ZNF518A: variants seen among roughly 807,000 people sequenced by gnomAD.
ZNF518A encodes the protein zinc finger protein 518A.
A neutral mutation model predicts 102.7 loss-of-function variants in ZNF518A; 47 were observed. That is an observed-to-expected ratio of 0.46 (90% CI 0.36 to 0.58). The LOEUF is 0.58. ZNF518A is among the 20% of genes least tolerant of loss of function. The probability of loss-of-function intolerance (pLI) is 0.00; values close to 1 mark genes in which losing one functional copy is unlikely to be tolerated. For missense variants in ZNF518A, 1,793 were observed against 1,699.8 expected, an observed-to-expected ratio of 1.05 and a Z score of -0.96; for synonymous variants, 652 against 594.6, an observed-to-expected ratio of 1.10 and a Z score of -1.40.
intron 3 of ZNF518A, among the ~76,000 whole-genome samples, chr10:96,139,120 A>C (rs1365300128): frequency 6.6e-6 from 1 of 152,038 alleles, no homozygotes; most frequent in Non-Finnish European, 1.5e-5. Flanking sequence ...GATAGGAAGA[A>C]TATTTGAGGA....
At chr10:96,130,990 A>G (rs1341544486) in intron 1 of ZNF518A, among the ~76,000 whole-genome samples, 1 of 152,262 alleles carries the variant, frequency 6.6e-6, no homozygotes, top group Non-Finnish European at 1.5e-5. Context: ...TTTAAAGTTC[A>G]GAATACAACA....
Position 96,158,862 on chromosome 10 carries a change from G to C in ZNF518A, c.2540G>C (p.Gly847Ala). ...GIFPVPPGSV[G>A]INVPTNDLNL... ...TTCCCAGTTCCACCTGGCAGTGTGGGTATTAATGTGCCTACAAATGATTTG... is the reference window on the plus strand; with the variant it reads ...TTCCCAGTTCCACCTGGCAGTGTGGCTATTAATGTGCCTACAAATGATTTG... Residue 847 changes from glycine to alanine, a missense_variant, in exon 6 of 6, where the codon GGT becomes GCT. By Grantham distance (60) the Gly-to-Ala change is moderately conservative. Transcript: ENST00000316045. 1 of 1,613,708 alleles carries C rather than the reference G, an allele frequency of 6.2e-7. No homozygotes were observed. The highest frequency in any genetic ancestry group is 8.5e-7 in the Non-Finnish European group (1 of 1,179,738).
At chr10:96,168,805 C>T (rs1182051402) in intron 1 of ZNF518A, among the ~76,000 whole-genome samples, 2 of 152,116 alleles carry the variant, frequency 1.3e-5, no homozygotes, top group African/African-American at 2.4e-5. Flanking sequence ...TTGTCCTTGT[C>T]TTTCAACAGT....
At chr10:96,184,181 G>A (rs959387004) in intron 1 of ZNF518A, among the ~76,000 whole-genome samples, 94 of 151,862 alleles carry the variant, frequency 6.2e-4, no homozygotes, top group African/African-American at 2.1e-3. Context: ...CCTTTATTTT[G>A]AGCCTATGTG....
chr10:96,133,170 G>A (rs2081425695), intron 2 of ZNF518A, among the ~76,000 whole-genome samples: 1 of 152,074 alleles, frequency 6.6e-6, no homozygotes, highest in Non-Finnish European at 1.5e-5. Flanking sequence ...TCATCCTTCT[G>A]AATAGAAAAG....
At chr10:96,165,937 C>T (rs587626358), downstream of ZNF518A, among the ~76,000 whole-genome samples, 7 of 152,238 alleles carry the variant, frequency 4.6e-5, no homozygotes, top group East Asian at 3.9e-4. Context: ...ATGACTCAGT[C>T]GAAGTCCAGA....
rs1315138516 is a variant in ZNF518A, at chr10:96,162,643, ATATT to A, written c.*1870_*1873del. 3.6e-5 allele frequency: 6 copies of A among 166,262 alleles called. No homozygotes were observed. Among genetic ancestry groups the A allele is most frequent in the African/African-American group, 1.4e-4 (6 of 41,462 alleles). The allele number at this position is 166,262 out of a possible 1,614,324, so 10.3% of individuals were successfully genotyped here. ...GGAGTTAATTGGAAATATACAGTAT[ATATT>A]AATAATGTACATGGTGTTTAAAGAA... On this transcript the variant is annotated 3_prime_UTR_variant, in exon 6 of 6. Coordinates refer to ENST00000316045, the MANE Select transcript of ZNF518A (RefSeq NM_001330736.2).
chr10:96,201,411 C>T (rs781942212), intron 1 of ZNF518A, among the ~76,000 whole-genome samples: 1 of 152,166 alleles, frequency 6.6e-6, no homozygotes, highest in Non-Finnish European at 1.5e-5. Flanking sequence ...AAAATGTAAA[C>T]TAATGCCACT....
intron 1 of ZNF518A, among the ~76,000 whole-genome samples, chr10:96,181,818 C>T (rs772894891): frequency 2.7e-4 from 41 of 152,230 alleles, no homozygotes; most frequent in Middle Eastern, 3.4e-3. Context: ...CTTGGCAATG[C>T]GGGCTCTTTT....
chr10:96,184,463 T>A (rs1483877650), intron 1 of ZNF518A, among the ~76,000 whole-genome samples: 2 of 152,250 alleles, frequency 1.3e-5, no homozygotes, highest in Non-Finnish European at 2.9e-5. Context: ...CCATGTTTAG[T>A]GCTTCCTTCA....
intron 1 of ZNF518A, among the ~76,000 whole-genome samples, chr10:96,185,302 G>A (rs936059958): frequency 1.3e-5 from 2 of 152,164 alleles, no homozygotes; most frequent in African/African-American, 4.8e-5. Flanking sequence ...GCCTACTTCT[G>A]TCAGTTCATC....
intron 1 of ZNF518A, among the ~76,000 whole-genome samples, chr10:96,190,879 G>A (rs1296073011): frequency 1.3e-5 from 2 of 152,134 alleles, no homozygotes; most frequent in Non-Finnish European, 2.9e-5. Flanking sequence ...CTCTTGTTTT[G>A]TGGGATATTT....
Position 96,157,042 on chromosome 10 carries a change from T to C in ZNF518A, c.720T>C (p.His240=), listed in dbSNP as rs2082726961. ...TTCATTATAAGTGTGGTAAATGTCATCATGTATGTTTTACCAAAGGAGAGC... is the reference window on the plus strand; with the variant it reads ...TTCATTATAAGTGTGGTAAATGTCACCATGTATGTTTTACCAAAGGAGAGC... The part of the protein sequence containing the change: ...NEIHYKCGKC[H]HVCFTKGELQ... Residue 240 remains histidine, a synonymous_variant, in exon 6 of 6, where the codon CAT becomes CAC. Coordinates refer to ENST00000316045, the MANE Select transcript of ZNF518A (RefSeq NM_001330736.2). The C allele has an allele frequency of 6.2e-7, 1 of 1,613,668 alleles. No individual in the cohort carries two copies. The highest frequency in any genetic ancestry group is 1.1e-5 in the South Asian group (1 of 90,998).
Position 96,160,158 on chromosome 10 carries a change from G to T in ZNF518A, c.3836G>T (p.Arg1279Leu). The T allele has an allele frequency of 6.2e-7, 1 of 1,609,322 alleles. No individual in the cohort carries two copies. Among genetic ancestry groups the T allele is most frequent in the Non-Finnish European group, 8.5e-7 (1 of 1,178,054 alleles). Reference sequence around the variant, plus strand: ...GTATCTAGAAACAGAAACTGTAAACGAAAGTGTAGGGATAGTTACCAAGAA... The same window carrying T: ...GTATCTAGAAACAGAAACTGTAAACTAAAGTGTAGGGATAGTTACCAAGAA... ...AFVSRNRNCK[R>L]KCRDSYQEPP... Residue 1279 changes from arginine to leucine, a missense_variant, in exon 6 of 6, where the codon CGA (arginine) becomes CTA (leucine). Physicochemically the swap from Arg to Leu is moderately radical, Grantham distance 102 (BLOSUM62 -2). This residue lies in a region of ZNF518A where 1,741 missense variants were observed against 1,622.6 expected (regional missense o/e 1.07). Coordinates refer to ENST00000316045, the MANE Select transcript of ZNF518A (RefSeq NM_001330736.2).
intron 1 of ZNF518A, among the ~76,000 whole-genome samples, chr10:96,185,007 A>G (rs2083262630): frequency 6.6e-6 from 1 of 151,022 alleles, no homozygotes; most frequent in African/African-American, 2.4e-5. Flanking sequence ...ATTTCTTTTT[A>G]CTCTTTTTTC....
At chr10:96,204,672 A>G (rs1332687755), downstream of ZNF518A, 4 of 1,558,228 alleles carry the variant, frequency 2.6e-6, no homozygotes, top group African/African-American at 5.4e-5. Context: ...TCCTCATCCC[A>G]AAACCCAGCA....
In ZNF518A at chr10:96,158,616, C is replaced by T. The variant is rs372362066; in HGVS notation, c.2294C>T (p.Thr765Ile). 6 of 1,613,322 alleles carry T rather than the reference C, an allele frequency of 3.7e-6. No homozygotes were observed. Among genetic ancestry groups the T allele is most frequent in the Non-Finnish European group, 5.1e-6 (6 of 1,179,672 alleles). ...GATTCACCTATGATGCCTAGAATCACATCTGTTTTCTCTCTCCAGAGCCAA... is the reference window on the plus strand; with the variant it reads ...GATTCACCTATGATGCCTAGAATCATATCTGTTTTCTCTCTCCAGAGCCAA... Reference protein sequence around the residue: ...NVDSPMMPRITSVFSLQSQQA... With the variant: ...NVDSPMMPRIISVFSLQSQQA... The change falls in exon 6 of 6, where the codon ACA becomes ATA. Residue 765 changes from threonine (T) to isoleucine (I), a missense_variant. Thr to Ile is a moderately conservative substitution (Grantham distance 89). Around this residue, in one of 3 missense-constraint regions of ZNF518A, gnomAD observed 1,741 missense variants for 1,622.6 expected, o/e 1.07. Transcript: ENST00000316045.
In ZNF518A at chr10:96,159,573, A is replaced by C. The variant is rs781791704; in HGVS notation, c.3251A>C (p.Gln1084Pro). ...TTGAATATCTCCGATTCAGTAAAAC[A>C]GCAGAATGAGATTTTTCCAAAACCA... ...TKLNISDSVKQQNEIFPKPPL... is the reference protein window; with the variant it reads ...TKLNISDSVKPQNEIFPKPPL... Residue 1084 changes from glutamine to proline, a missense_variant, in exon 6 of 6, where the codon CAG (glutamine) becomes CCG (proline). Physicochemically the swap from Gln to Pro is moderately conservative, Grantham distance 76. Around this residue, in one of 3 missense-constraint regions of ZNF518A, gnomAD observed 1,741 missense variants for 1,622.6 expected, o/e 1.07. Transcript: ENST00000316045. 6.2e-6 allele frequency: 10 copies of C among 1,613,786 alleles called. No individual in the cohort carries two copies. Among genetic ancestry groups the C allele is most frequent in the Non-Finnish European group, 8.5e-6 (10 of 1,179,810 alleles).
exon 3 of ZNF518A, chr10:96,204,057 T>G: frequency 6.2e-7 from 1 of 1,613,430 alleles, no homozygotes. Flanking sequence ...TTGTACTTAC[T>G]TGGCAGAGGT....
Sources: gnomAD v4.1 joint callset for allele counts (sites outside exome capture counted in the v4.1 genomes callset) on GRCh38, gnomAD v4.1.1 for gene constraint, gnomAD v4.1.1 regional missense constraint, MANE v1.5 for transcripts, NCBI Gene and HGNC (gene_info 2026-07-23, HGNC 2026-07-21) for gene names.